CLCN1: variants seen among roughly 807,000 people sequenced by gnomAD.
CLCN1 encodes the protein chloride voltage-gated channel 1.
A neutral mutation model predicts 114.5 loss-of-function variants in CLCN1; 100 were observed. The ratio of observed to expected loss-of-function variants is 0.87; its 90% CI spans 0.74 to 1.03. CLCN1 has a LOEUF of 1.03. Among genes scored for constraint, CLCN1 ranks in the 50% least tolerant of loss-of-function variants. The pLI is 0.00. For missense variants in CLCN1, 1,188 were observed against 1,250.0 expected (o/e 0.95, Z 0.75); for synonymous variants, 485 against 487.1 (o/e 1.00, Z 0.06).
intron 11 of CLCN1, 43 bp downstream of exon 11, chr7:143,332,546 AG>A (rs752333186): frequency 4.4e-5 from 68 of 1,550,208 alleles, no homozygotes; most frequent in Non-Finnish European, 5.4e-5. Context: ...GAAACAGCAC[AG>A]ATATACCTCA....
In CLCN1 at chr7:143,345,571, C is replaced by T. The variant is rs1227354144; in HGVS notation, c.1981C>T (p.Leu661=). The change falls in exon 17 of 23, where the codon CTG becomes TTG. Residue 661 remains leucine (L), a synonymous_variant. Transcript: ENST00000343257. ...GGAGCGGTCGGAACTGCAGGCCCTC[C>T]TGCAGCGCCACCTGTGTCCTGAGCG... ...SVERSELQAL[L]QRHLCPERRL... is the part of the protein sequence containing the mutation. 5 of 1,547,242 alleles carry T rather than the reference C, an allele frequency of 3.2e-6. No individual in the cohort carries two copies. The highest frequency in any genetic ancestry group is 4.4e-6 in the Non-Finnish European group (5 of 1,144,540).
chr7:143,350,261 A>G lies in CLCN1; in HGVS notation c.2404-111A>G, dbSNP rs1040355710. On this transcript the variant is annotated intron_variant, in intron 20 of 22. Coordinates refer to ENST00000343257, the MANE Select transcript of CLCN1 (RefSeq NM_000083.3). The surrounding 1 kb of genome is among the most constrained non-coding windows in gnomAD (Gnocchi z 5.1). ...TGGGGGATCTATGATCAGTTCTTGCATGTTCCCAGATTCTGGGCAGCGGCT... is the reference window on the plus strand; with the variant it reads ...TGGGGGATCTATGATCAGTTCTTGCGTGTTCCCAGATTCTGGGCAGCGGCT... The G allele has an allele frequency of 1.0e-4, 78 of 779,308 alleles. No individual in the cohort carries two copies. Among genetic ancestry groups the G allele is most frequent in the Non-Finnish European group, 1.5e-4 (68 of 443,662 alleles). 48.3% of individuals were successfully genotyped at this position (779,308 alleles called of 1,614,324 possible).
At chr7:143,330,940 A>C (rs1401824673) in intron 8 of CLCN1, 43 bp downstream of exon 8, 2 of 1,614,014 alleles carry the variant, frequency 1.2e-6, no homozygotes, top group East Asian at 4.5e-5. Flanking sequence ...GAAATAGAAA[A>C]GCTGGGAATG....
rs1482476297 is a variant in CLCN1, at chr7:143,350,601, C to A, written c.2542C>A (p.Leu848Ile). 2 of 1,614,130 alleles carry A rather than the reference C, an allele frequency of 1.2e-6. No homozygotes were observed. The highest frequency in any genetic ancestry group is 1.7e-5 in the Admixed American group (1 of 60,026). ...CCTGTTTTCACTCCTTGGCCTCCAC[C>A]TCGCTTACGTGACCAGCATGGGGAA... ...HTLFSLLGLHLAYVTSMGKLR... is the reference protein window; with the variant it reads ...HTLFSLLGLHIAYVTSMGKLR... Residue 848 changes from leucine to isoleucine, a missense_variant, in exon 22 of 23, where the codon CTC becomes ATC. Coordinates refer to ENST00000343257, the MANE Select transcript of CLCN1 (RefSeq NM_000083.3). This position sits in a 1 kb window ranked among gnomAD's most constrained non-coding sequence, Gnocchi z 5.1.
intron 19 of CLCN1, 116 bp downstream of exon 19, chr7:143,346,774 T>A: frequency 8.3e-7 from 1 of 1,203,442 alleles, no homozygotes; most frequent in Non-Finnish European, 1.2e-6. Flanking sequence ...AGGAGTTTAA[T>A]CATATGGAAG....
intron 19 of CLCN1, 30 bp from the exon 20 acceptor site, chr7:143,346,881 A>C (rs1437080317): frequency 6.2e-7 from 1 of 1,610,188 alleles, no homozygotes; most frequent in East Asian, 2.2e-5. Context: ...GAAAAGGGAA[A>C]GAACTTGGAC....
rs150304865 is a variant in CLCN1, at chr7:143,316,236, G to A, written c.24G>A (p.Gln8=). The change falls in exon 1 of 23, where the codon CAG becomes CAA. Residue 8 remains glutamine (Q), a synonymous_variant. Transcript: ENST00000343257. ...ATATGGAGCAATCCCGGTCACAGCA[G>A]CGTGGGGGTGAACAAAGCTGGTGGG... MEQSRSQ[Q]RGGEQSWWGS... The A allele has an allele frequency of 1.3e-4, 202 of 1,613,682 alleles. No homozygotes were observed. The highest frequency in any genetic ancestry group is 1.6e-4 in the Non-Finnish European group (193 of 1,179,762).
chr7:143,328,109 A>G (rs986669528), intron 7 of CLCN1, among the ~76,000 whole-genome samples: 4 of 152,140 alleles, frequency 2.6e-5, no homozygotes, highest in Non-Finnish European at 5.9e-5. Flanking sequence ...TAGCTGATAC[A>G]TTTCACTTTG....
At chr7:143,318,625 C>A (rs1287743119) in intron 1 of CLCN1, among the ~76,000 whole-genome samples, 3 of 152,144 alleles carry the variant, frequency 2.0e-5, no homozygotes, top group Non-Finnish European at 4.4e-5. Context: ...CTGCATGGGA[C>A]CAGCCAGAAC....
chr7:143,346,014 A>G, intron 17 of CLCN1, 126 bp from the exon 18 acceptor site: 1 of 824,786 alleles, frequency 1.2e-6, no homozygotes, highest in Non-Finnish European at 2.1e-6. Context: ...TCAAAGGGAT[A>G]TAGGAATTTC....
In CLCN1 at chr7:143,321,070, G is replaced by A. The variant is rs1439092562; in HGVS notation, c.433+275G>A. Reference sequence around the variant, plus strand: ...TTCCCCAGGGACTTTCCCAGTTTCAGCACTGAACATCCCGAATCCCAGGAA... The same window carrying A: ...TTCCCCAGGGACTTTCCCAGTTTCAACACTGAACATCCCGAATCCCAGGAA... On this transcript the variant is annotated intron_variant, in intron 3 of 22. Transcript: ENST00000343257. This position sits in a 1 kb window ranked among gnomAD's most constrained non-coding sequence, Gnocchi z 4.2. Among the ~76,000 whole-genome samples, 1 of 152,106 alleles carries A rather than the reference G, an allele frequency of 6.6e-6. No homozygotes were observed. Among genetic ancestry groups the A allele is most frequent in the Non-Finnish European group, 1.5e-5 (1 of 68,012 alleles).
rs758464275 is a variant in CLCN1 at position 143,319,923 on chromosome 7, G to C, written c.301+48G>C. 3.1e-6 allele frequency: 5 copies of C among 1,604,726 alleles called. No homozygotes were observed. The South Asian group carries it at 4.4e-5, about 14-fold the overall frequency. ...GAAATCTGGAGTAGAAACAGGTACA[G>C]GGATTAGGAGAATAACTTGGGCATC... On this transcript the variant is annotated intron_variant, in intron 2 of 22. Transcript: ENST00000343257.
chr7:143,339,197 GT>G lies in CLCN1; in HGVS notation c.1402-55del, dbSNP rs1433716910. On this transcript the variant is annotated intron_variant, in intron 12 of 22. Coordinates refer to ENST00000343257, the MANE Select transcript of CLCN1 (RefSeq NM_000083.3). This position sits in a 1 kb window ranked among gnomAD's most constrained non-coding sequence, Gnocchi z 4.1. ...GAGGATAGTGGGAAGGGAATTGTGT[GT>G]GCATGTCTATTGGGCAGAGTTGAAA... The G allele has an allele frequency of 1.3e-5, 14 of 1,094,164 alleles. No homozygotes were observed. The highest frequency in any genetic ancestry group is 1.8e-5 in the Non-Finnish European group (13 of 705,556). 67.8% of individuals were successfully genotyped at this position (1,094,164 alleles called of 1,614,324 possible). A position where few individuals can be genotyped will look rare whatever the true frequency, so the allele number is the denominator to read the frequency against.
intron 16 of CLCN1, 91 bp from the exon 17 acceptor site, chr7:143,345,430 G>A (rs1803202507): frequency 1.4e-6 from 2 of 1,417,868 alleles, no homozygotes; most frequent in African/African-American, 1.4e-5. Flanking sequence ...GGGCAGGGTG[G>A]CGCCTCTCCT....
In CLCN1 at chr7:143,346,248, G is replaced by T; in HGVS notation, c.2281G>T (p.Ala761Ser). 3 of 1,602,618 alleles carry T rather than the reference G, an allele frequency of 1.9e-6. No homozygotes were observed. Among genetic ancestry groups the T allele is most frequent in the Non-Finnish European group, 2.6e-6 (3 of 1,170,068 alleles). Reference sequence around the variant, plus strand: ...ACAGCAGCCGGAAGCACCAGAGCCTGCAGGTGACGCTCTTCCCTCATGCAC... The same window carrying T: ...ACAGCAGCCGGAAGCACCAGAGCCTTCAGGTGACGCTCTTCCCTCATGCAC... Reference protein sequence around the residue: ...HKQQPEAPEPAGQRPSIFQSL... With the variant: ...HKQQPEAPEPSGQRPSIFQSL... Residue 761 changes from alanine to serine, a missense_variant, in exon 18 of 23, where the codon GCA becomes TCA. Physicochemically the swap from Ala to Ser is moderately conservative, Grantham distance 99. Coordinates refer to ENST00000343257, the MANE Select transcript of CLCN1 (RefSeq NM_000083.3).
intron 18 of CLCN1, 55 bp from the exon 19 acceptor site, chr7:143,346,524 C>A: frequency 7.1e-7 from 1 of 1,409,890 alleles, no homozygotes; most frequent in South Asian, 1.2e-5. Context: ...GGTGGGGCCC[C>A]TGGCCGTTTC....
intron 10 of CLCN1, among the ~76,000 whole-genome samples, 161 bp downstream of exon 10, chr7:143,331,813 T>A (rs1245023189): frequency 6.6e-6 from 1 of 152,140 alleles, no homozygotes; most frequent in East Asian, 1.9e-4. Context: ...TTGTGTGGTC[T>A]CCCATTTAAA....
Position 143,323,384 on chromosome 7 carries a change from G to A in CLCN1, c.772G>A (p.Glu258Lys). 1 of 1,610,316 alleles carries A rather than the reference G, an allele frequency of 6.2e-7. No individual in the cohort carries two copies. Among genetic ancestry groups the A allele is most frequent in the South Asian group, 1.1e-5 (1 of 91,008 alleles). ...KFMSVFCGVY[E>K]QPYYYSDILT... Reference sequence around the variant, plus strand: ...CATGTCTGTGTTCTGCGGGGTATATGAGGTAAGGTTGAGACAGTGAAATGA... The same window carrying A: ...CATGTCTGTGTTCTGCGGGGTATATAAGGTAAGGTTGAGACAGTGAAATGA... The change falls in exon 6 of 23, where the codon GAG (glutamate) becomes AAG (lysine). Residue 258 changes from glutamate (E) to lysine (K), a missense_variant and splice_region_variant. By Grantham distance (56) the Glu-to-Lys change is moderately conservative (BLOSUM62 1). Transcript: ENST00000343257.
rs148568837 is a variant in CLCN1, at chr7:143,336,768, C to G, written c.1402-2485C>G. Among the ~76,000 whole-genome samples, 50 of 152,278 alleles carry G rather than the reference C, an allele frequency of 3.3e-4. 2 individuals are homozygous for G. The East Asian group carries it at 8.1e-3, about 25-fold the overall frequency. ...AATAGCTAAAAAAGTTTGTTAATCT[C>G]ATGTGTCAACCTTTGTGCTATAGGA... On this transcript the variant is annotated intron_variant, in intron 12 of 22. Transcript: ENST00000343257.
Sources: gnomAD v4.1 joint callset for allele counts (sites outside exome capture counted in the v4.1 genomes callset) on GRCh38, gnomAD v4.1.1 for gene constraint, Gnocchi (gnomAD v3.1) non-coding constraint, MANE v1.5 for transcripts, NCBI Gene and HGNC (gene_info 2026-07-23, HGNC 2026-07-21) for gene names.